LRRTM4: variants seen among roughly 807,000 people sequenced by gnomAD.
The protein encoded by LRRTM4 is leucine-rich repeat transmembrane neuronal protein 4.
In LRRTM4, 25 loss-of-function variants were observed where a neutral mutation model predicts 47.6. That is an observed-to-expected ratio of 0.53 (90% CI 0.38 to 0.73). The LOEUF (loss-of-function observed/expected upper bound fraction) is 0.73. Among genes scored for constraint, LRRTM4 ranks in the 30% least tolerant of loss-of-function variants. The pLI is 0.00. For synonymous variants in LRRTM4, 311 were observed against 269.5 expected (o/e 1.15, Z -1.51); for missense variants, 638 against 713.4 (o/e 0.89, Z 1.20).
intron 3 of LRRTM4, among the ~76,000 whole-genome samples, chr2:76,883,890 C>A (rs1374443578): frequency 6.6e-6 from 1 of 152,126 alleles, no homozygotes; most frequent in Non-Finnish European, 1.5e-5. Flanking sequence ...TTTAAATTAG[C>A]TCACTGTAGT....
At chr2:76,957,812 C>T (rs751412543) in intron 3 of LRRTM4, among the ~76,000 whole-genome samples, 10 of 151,638 alleles carry the variant, frequency 6.6e-5, no homozygotes, top group Non-Finnish European at 1.5e-4. Context: ...ATGGTTTTGA[C>T]ACGCTCACTT....
At chr2:77,353,727 A>C (rs186089031) in intron 3 of LRRTM4, among the ~76,000 whole-genome samples, 75 of 152,148 alleles carry the variant, frequency 4.9e-4, no homozygotes, top group African/African-American at 1.7e-3. Context: ...TTTAGGGTAC[A>C]TGTGTCCAAC....
chr2:76,785,515 G>C (rs570206605), intron 3 of LRRTM4, among the ~76,000 whole-genome samples: 1 of 152,144 alleles, frequency 6.6e-6, no homozygotes, highest in East Asian at 1.9e-4. Flanking sequence ...CTTTTTAGTG[G>C]TAATCCAGGA....
intron 3 of LRRTM4, among the ~76,000 whole-genome samples, chr2:77,285,318 T>A (rs1197520004): frequency 1.0e-5 from 1 of 95,538 alleles, no homozygotes. Flanking sequence ...TCTATGTAAA[T>A]TAATTCTACT....
chr2:76,967,157 CTT>C (rs537519196), intron 3 of LRRTM4, among the ~76,000 whole-genome samples: 69 of 134,582 alleles, frequency 5.1e-4, no homozygotes, highest in East Asian at 1.5e-3. Flanking sequence ...CATTCCCTTG[CTT>C]TTTTTTTTTT....
chr2:76,780,938 G>C (rs1199745974), intron 3 of LRRTM4, among the ~76,000 whole-genome samples: 4 of 152,166 alleles, frequency 2.6e-5, no homozygotes, highest in African/African-American at 7.2e-5. Context: ...ATGGGTTTGT[G>C]GTGTGGATGT....
intron 3 of LRRTM4, among the ~76,000 whole-genome samples, chr2:77,138,077 G>A (rs1672002607): frequency 6.6e-6 from 1 of 152,214 alleles, no homozygotes; most frequent in African/African-American, 2.4e-5. Context: ...GAGACAGAAA[G>A]TTAACAAGGA....
intron 3 of LRRTM4, among the ~76,000 whole-genome samples, chr2:77,104,521 AC>A (rs1426372612): frequency 6.6e-6 from 1 of 152,126 alleles, no homozygotes; most frequent in African/African-American, 2.4e-5. Flanking sequence ...AAAACCTCCA[AC>A]CCTCATACAA....
intron 3 of LRRTM4, among the ~76,000 whole-genome samples, chr2:76,807,425 C>CATATATATATATACGTATATACAT (rs70939835): frequency 1.0e-5 from 1 of 98,056 alleles, no homozygotes; most frequent in Non-Finnish European, 1.9e-5. Flanking sequence ...TATATATATA[C>CATATATATATATACGTATATACAT]ATATATATAT....
chr2:77,477,907 GAAAGAAAGA>G (rs1677484379), intron 3 of LRRTM4, among the ~76,000 whole-genome samples: 1 of 5,574 alleles, frequency 1.8e-4, no homozygotes. Flanking sequence ...GAAAGAAAAA[GAAAGAAAGA>G]AAGAAAGAAA....
intron 3 of LRRTM4, among the ~76,000 whole-genome samples, chr2:77,134,601 A>G (rs1271510416): frequency 6.6e-6 from 1 of 152,196 alleles, no homozygotes; most frequent in East Asian, 1.9e-4. Context: ...TAACTAAAAA[A>G]CACAGTGAGC....
At chr2:77,202,036 C>T (rs1673990657) in intron 3 of LRRTM4, among the ~76,000 whole-genome samples, 1 of 151,968 alleles carries the variant, frequency 6.6e-6, no homozygotes, top group African/African-American at 2.4e-5. Flanking sequence ...AGTTTAAGTC[C>T]CCGGCATTGT....
chr2:77,001,555 A>G (rs1240858925), intron 3 of LRRTM4, among the ~76,000 whole-genome samples: 1 of 152,132 alleles, frequency 6.6e-6, no homozygotes, highest in African/African-American at 2.4e-5. Context: ...CAAGAACAGA[A>G]TCAATAAACA....
chr2:76,865,661 A>G (rs1038113797), intron 3 of LRRTM4, among the ~76,000 whole-genome samples: 2 of 152,230 alleles, frequency 1.3e-5, no homozygotes, highest in African/African-American at 4.8e-5. Flanking sequence ...ATTTTAGAAT[A>G]AAAGGAATCT....
At chr2:76,767,236 T>C (rs932606849) in intron 3 of LRRTM4, among the ~76,000 whole-genome samples, 7 of 152,250 alleles carry the variant, frequency 4.6e-5, no homozygotes, top group African/African-American at 1.4e-4. Flanking sequence ...GCAATTTATA[T>C]GGACGTTTAA....
At chr2:77,079,109 G>A (rs1340784923) in intron 3 of LRRTM4, among the ~76,000 whole-genome samples, 1 of 152,154 alleles carries the variant, frequency 6.6e-6, no homozygotes, top group Non-Finnish European at 1.5e-5. Context: ...ATGAATTTTG[G>A]GGGATACAAA....
chr2:76,807,459 C>CAT (rs772135026), intron 3 of LRRTM4, among the ~76,000 whole-genome samples: 12,293 of 85,082 alleles, frequency 0.14, 1,072 homozygotes, highest in Middle Eastern at 0.25. Context: ...TATATATATA[C>CAT]ATATATATAT....
At chr2:76,880,117 G>C (rs4606961) in intron 3 of LRRTM4, among the ~76,000 whole-genome samples, 5,286 of 152,258 alleles carry the variant, frequency 0.035, 217 homozygotes, top group East Asian at 0.13. Flanking sequence ...AATATCACAT[G>C]AATTTTGTTG....
intron 3 of LRRTM4, among the ~76,000 whole-genome samples, chr2:76,772,046 A>G (rs1342506059): frequency 2.0e-5 from 3 of 152,212 alleles, no homozygotes; most frequent in African/African-American, 4.8e-5. Context: ...CGAATGTTGT[A>G]TCTCCCTAAA....
Sources: gnomAD v4.1 joint callset for allele counts (sites outside exome capture counted in the v4.1 genomes callset) on GRCh38, gnomAD v4.1.1 for gene constraint, MANE v1.5 for transcripts, NCBI Gene and HGNC (gene_info 2026-07-23, HGNC 2026-07-21) for gene names.